Variants in SLC9D1 observed in about 807,000 individuals in gnomAD.
The protein encoded by SLC9D1 is solute carrier family 9 member D1, also known as putative LAG1-interacting protein.
chr13:113,497,285 CCTG>C, the SLC9D1 span, among the ~76,000 whole-genome samples: 3 of 151,744 alleles, frequency 2.0e-5, no homozygotes, highest in East Asian at 5.8e-4. Flanking sequence ...GTGTGCAAGA[CCTG>C]CAGCTGTGTG....
the SLC9D1 span, among the ~76,000 whole-genome samples, chr13:113,512,960 A>G: frequency 6.6e-6 from 1 of 152,074 alleles, no homozygotes; most frequent in East Asian, 1.9e-4. Context: ...TCAGAGCCCC[A>G]GGGGCCGAGA....
the SLC9D1 span, among the ~76,000 whole-genome samples, chr13:113,512,238 G>C: frequency 7.0e-6 from 1 of 143,144 alleles, no homozygotes; most frequent in Non-Finnish European, 1.5e-5. Context: ...GAGTCGCGGG[G>C]GCCGGGACTG....
the SLC9D1 span, chr13:113,520,539 G>A: frequency 2.2e-6 from 2 of 890,186 alleles, no homozygotes; most frequent in Non-Finnish European, 1.8e-6. Context: ...TTTTGGAAGT[G>A]TGTACAATGG....
At chr13:113,533,249 ATTCCATCCCTTCATTCCATCCCTTC>A in the SLC9D1 span, among the ~76,000 whole-genome samples, 1 of 62,442 alleles carries the variant, frequency 1.6e-5, no homozygotes, top group African/African-American at 1.3e-4. Context: ...TGATCCCTTC[ATTCCATCCCTTCATTCCATCCCTTC>A]ATTCCATCCC....
chr13:113,512,200 A>G, the SLC9D1 span, among the ~76,000 whole-genome samples: 1 of 140,662 alleles, frequency 7.1e-6, no homozygotes, highest in Non-Finnish European at 1.5e-5. Flanking sequence ...CGGAGTGTAG[A>G]TGGAGAGGGT....
chr13:113,525,806 ATCG>A, the SLC9D1 span, among the ~76,000 whole-genome samples: 5 of 114,052 alleles, frequency 4.4e-5, no homozygotes, highest in East Asian at 1.3e-3. Context: ...AGAACAAGCC[ATCG>A]TCGTCGTAGG....
chr13:113,497,158 C>G, the SLC9D1 span, among the ~76,000 whole-genome samples: 1 of 149,878 alleles, frequency 6.7e-6, no homozygotes, highest in African/African-American at 2.5e-5. Flanking sequence ...TCAGTCAAAC[C>G]TGCATCTCTG....
chr13:113,513,527 T>G, the SLC9D1 span, among the ~76,000 whole-genome samples: 3 of 152,148 alleles, frequency 2.0e-5, no homozygotes, highest in Admixed American at 2.0e-4. Flanking sequence ...TGGGAGGTAG[T>G]TAGAGTCAAG....
At chr13:113,515,418 A>G in the SLC9D1 span, among the ~76,000 whole-genome samples, 3 of 152,202 alleles carry the variant, frequency 2.0e-5, no homozygotes, top group African/African-American at 4.8e-5. Context: ...GTGTTTGAGA[A>G]TGACAGATGT....
At chr13:113,526,127 G>A in the SLC9D1 span, among the ~76,000 whole-genome samples, 1 of 152,254 alleles carries the variant, frequency 6.6e-6, no homozygotes, top group Admixed American at 6.5e-5. Flanking sequence ...AGTGGGACAG[G>A]ATGCGGACGT....
the SLC9D1 span, chr13:113,520,483 C>CAGAGCAAA: frequency 3.0e-6 from 1 of 334,152 alleles, no homozygotes; most frequent in Non-Finnish European, 5.1e-6. Context: ...AACTCCATCT[C>CAGAGCAAA]AAAAAAAAAA....
the SLC9D1 span, chr13:113,503,443 A>T: frequency 1.4e-6 from 2 of 1,419,824 alleles, no homozygotes; most frequent in African/African-American, 2.8e-5. Context: ...AGTTAAGTAT[A>T]CTTAATATGT....
chr13:113,518,430 G>A, the SLC9D1 span, among the ~76,000 whole-genome samples: 1 of 152,162 alleles, frequency 6.6e-6, no homozygotes, highest in African/African-American at 2.4e-5. Flanking sequence ...CACTATGATC[G>A]GTGCAAAGGA....
chr13:113,494,577 A>C, the SLC9D1 span, among the ~76,000 whole-genome samples: 1 of 152,178 alleles, frequency 6.6e-6, no homozygotes, highest in African/African-American at 2.4e-5. Flanking sequence ...ACATTGTTTT[A>C]GGTATTCCTA....
the SLC9D1 span, chr13:113,529,372 C>CG: frequency 6.6e-6 from 1 of 150,778 alleles, no homozygotes; most frequent in Non-Finnish European, 1.5e-5. Flanking sequence ...GCTTGAGAGC[C>CG]GGGCGCAGCG....
the SLC9D1 span, among the ~76,000 whole-genome samples, chr13:113,494,567 A>G: frequency 6.6e-6 from 1 of 152,222 alleles, no homozygotes; most frequent in East Asian, 1.9e-4. Flanking sequence ...AAATTAATAT[A>G]CATTGTTTTA....
the SLC9D1 span, among the ~76,000 whole-genome samples, chr13:113,496,972 A>G: frequency 3.3e-5 from 5 of 152,252 alleles, no homozygotes; most frequent in African/African-American, 1.2e-4. Flanking sequence ...ACACTTCATA[A>G]CATATCAACA....
chr13:113,543,982 T>C, the SLC9D1 span, among the ~76,000 whole-genome samples: 3 of 152,236 alleles, frequency 2.0e-5, no homozygotes, highest in Non-Finnish European at 4.4e-5. Flanking sequence ...GACCTTATTT[T>C]TGTTCTGGAG....
chr13:113,531,681 G>A, the SLC9D1 span, among the ~76,000 whole-genome samples: 2 of 152,244 alleles, frequency 1.3e-5, no homozygotes, highest in East Asian at 1.9e-4. Flanking sequence ...CAGGTGACAC[G>A]GCGCCCCGTA....
Sources: allele counts gnomAD v4.1 joint callset (sites outside exome capture counted in the v4.1 genomes callset), GRCh38; gene constraint gnomAD v4.1.1; transcripts MANE v1.5; gene names NCBI Gene and HGNC (gene_info 2026-07-23, HGNC 2026-07-21).